Variants in LRP3 observed in about 807,000 individuals in gnomAD.
LRP3 encodes LDL receptor related protein 3, also known as low-density lipoprotein receptor-related protein 3.
A neutral mutation model predicts 58.5 loss-of-function variants in LRP3; 49 were observed. The observed-to-expected ratio is 0.84, with a 90% CI of 0.67 to 1.06. The LOEUF is 1.06. Among genes scored for constraint, LRP3 ranks in the 50% least tolerant of loss-of-function variants. The probability of loss-of-function intolerance (pLI) is 0.00; values close to 1 mark genes in which losing one functional copy is unlikely to be tolerated. For synonymous variants in LRP3, 485 were observed against 492.2 expected, an observed-to-expected ratio of 0.99 and a Z score of 0.20; for missense variants, 1,019 against 1,134.2, an observed-to-expected ratio of 0.90 and a Z score of 1.46.
chr19:33,201,578 C>G (rs1280123847), intron 2 of LRP3, among the ~76,000 whole-genome samples: 4 of 152,164 alleles, frequency 2.6e-5, no homozygotes, highest in Non-Finnish European at 4.4e-5. Flanking sequence ...CCAGAGAGAA[C>G]TTGGCTTGCA....
At chr19:33,196,222 C>G (rs1400180874) in intron 1 of LRP3, among the ~76,000 whole-genome samples, 2 of 152,034 alleles carry the variant, frequency 1.3e-5, no homozygotes, top group Non-Finnish European at 2.9e-5. Context: ...TGCTGCTGGG[C>G]GAGCAAAGCC....
intron 1 of LRP3, among the ~76,000 whole-genome samples, chr19:33,196,131 C>T (rs1443866200): frequency 6.6e-6 from 1 of 152,228 alleles, no homozygotes; most frequent in Non-Finnish European, 1.5e-5. Context: ...CAGCTTGGCA[C>T]GGGGGAAGAG....
At chr19:33,201,078 C>G (rs1321589081) in intron 2 of LRP3, among the ~76,000 whole-genome samples, 1 of 152,226 alleles carries the variant, frequency 6.6e-6, no homozygotes, top group Non-Finnish European at 1.5e-5. Context: ...GACCCGTCCA[C>G]TCAGGGACCC....
chr19:33,205,198 A>AGGCT, intron 4 of LRP3, 48 bp from the exon 5 acceptor site: 1 of 1,574,012 alleles, frequency 6.4e-7, no homozygotes, highest in Non-Finnish European at 8.6e-7. Context: ...GGCCGAAGGG[A>AGGCT]GGCTCTTCTG....
At chr19:33,201,653 G>GTGA (rs1268154277) in intron 2 of LRP3, among the ~76,000 whole-genome samples, 2 of 152,166 alleles carry the variant, frequency 1.3e-5, no homozygotes, top group Non-Finnish European at 1.5e-5. Context: ...CTCGGGAAAG[G>GTGA]GGTCGTCCCT....
intron 1 of LRP3, among the ~76,000 whole-genome samples, chr19:33,196,067 A>G (rs1322397063): frequency 1.3e-5 from 2 of 152,078 alleles, no homozygotes; most frequent in African/African-American, 4.8e-5. Flanking sequence ...GCCAAACCCC[A>G]CGGAGGTGGG....
intron 6 of LRP3, 127 bp downstream of exon 6, chr19:33,206,860 GT>G: frequency 8.1e-7 from 1 of 1,236,022 alleles, no homozygotes; most frequent in Non-Finnish European, 1.1e-6. Flanking sequence ...CCATGGCCAG[GT>G]GGGGGGGGTG....
chr19:33,195,126 C>G (rs1048276011), intron 1 of LRP3, among the ~76,000 whole-genome samples: 1 of 152,060 alleles, frequency 6.6e-6, no homozygotes, highest in Non-Finnish European at 1.5e-5. Context: ...TTCGTGCAGG[C>G]GGCAGCCTTC....
At chr19:33,198,031 C>T (rs1466559443) in intron 2 of LRP3, among the ~76,000 whole-genome samples, 1 of 152,146 alleles carries the variant, frequency 6.6e-6, no homozygotes, top group African/African-American at 2.4e-5. Flanking sequence ...AGTCTCCCAT[C>T]CCAATTTCCA....
At chr19:33,203,328 G>A (rs1191817504) in intron 3 of LRP3, among the ~76,000 whole-genome samples, 1 of 151,422 alleles carries the variant, frequency 6.6e-6, no homozygotes, top group East Asian at 1.9e-4. Context: ...GTGCATATGT[G>A]TGTGTGTGCA....
intron 1 of LRP3, among the ~76,000 whole-genome samples, chr19:33,195,374 C>A (rs1424006815): frequency 1.3e-5 from 2 of 152,114 alleles, no homozygotes; most frequent in Non-Finnish European, 2.9e-5. Flanking sequence ...CCCAGGCAGG[C>A]CTGTTCAGTT....
chr19:33,206,088 C>G lies in LRP3; in HGVS notation c.1318C>G (p.Gln440Glu). The G allele has an allele frequency of 1.2e-6, 2 of 1,609,588 alleles. No homozygotes were observed. The highest frequency in any genetic ancestry group is 1.7e-6 in the Non-Finnish European group (2 of 1,178,838). The change falls in exon 5 of 7, where the codon CAG becomes GAG. Residue 440 changes from glutamine (Q) to glutamate (E), a missense_variant. Physicochemically the swap from Gln to Glu is conservative, Grantham distance 29. Coordinates refer to ENST00000253193, the MANE Select transcript of LRP3 (RefSeq NM_002333.4). ...CYTPADRCNN[Q>E]KSCPDGADEK... Reference sequence around the variant, plus strand: ...CACGCCTGCCGACCGCTGCAACAACCAGAAAAGCTGTCCCGACGGCGCCGA... The same window carrying G: ...CACGCCTGCCGACCGCTGCAACAACGAGAAAAGCTGTCCCGACGGCGCCGA...
chr19:33,203,046 GAGAA>G, intron 3 of LRP3, 60 bp downstream of exon 3: 1 of 1,578,442 alleles, frequency 6.3e-7, no homozygotes, highest in Non-Finnish European at 8.6e-7. Flanking sequence ...TGGGGTGGGT[GAGAA>G]TGTGTGTGTG....
At chr19:33,198,892 A>C (rs568167817) in intron 2 of LRP3, among the ~76,000 whole-genome samples, 39 of 152,328 alleles carry the variant, frequency 2.6e-4, no homozygotes, top group African/African-American at 9.4e-4. Context: ...GTATTGATCA[A>C]CTTTGGAAAT....
intron 6 of LRP3, 43 bp from the exon 7 acceptor site, chr19:33,206,945 C>T: frequency 7.3e-7 from 1 of 1,379,242 alleles, no homozygotes. Context: ...CTGTCTGCCC[C>T]CTCAGCCGCA....
Position 33,207,444 on chromosome 19 carries a change from C to T in LRP3, c.2182C>T (p.Pro728Ser), listed in dbSNP as rs1170473711. The T allele has an allele frequency of 6.3e-7, 1 of 1,597,660 alleles. No homozygotes were observed. Among genetic ancestry groups the T allele is most frequent in the African/African-American group, 1.3e-5 (1 of 74,816 alleles). Reference protein sequence around the residue: ...REPCSAQDPHPQVSTASSTLG... With the variant: ...REPCSAQDPHSQVSTASSTLG... ...GCCCTGCTCAGCCCAGGACCCGCACCCCCAGGTCTCCACTGCCAGCAGCAC... is the reference window on the plus strand; with the variant it reads ...GCCCTGCTCAGCCCAGGACCCGCACTCCCAGGTCTCCACTGCCAGCAGCAC... The change falls in exon 7 of 7, where the codon CCC becomes TCC. Residue 728 changes from proline to serine, a missense_variant. Physicochemically the swap from Pro to Ser is moderately conservative, Grantham distance 74. Coordinates refer to ENST00000253193, the MANE Select transcript of LRP3 (RefSeq NM_002333.4).
At chr19:33,198,213 TG>T (rs1974305402) in intron 2 of LRP3, among the ~76,000 whole-genome samples, 1 of 152,162 alleles carries the variant, frequency 6.6e-6, no homozygotes. Context: ...AGTGCTTCCC[TG>T]GGGACTAGGG....
rs560751217 is a variant in LRP3 at position 33,195,793 on chromosome 19, G to A, written c.73+935G>A. On this transcript the variant is annotated intron_variant, in intron 1 of 6. Coordinates refer to ENST00000253193, the MANE Select transcript of LRP3 (RefSeq NM_002333.4). The stretch of plus-strand genomic sequence containing the variant: ...CCCCAGCGCGCCCACCCCAACCTCA[G>A]TGCGGGGTCATGTGTGCTGGGCTCT... Among the ~76,000 whole-genome samples the A allele has an allele frequency of 1.1e-3, 160 of 152,314 alleles. 1 individual carries two copies. The highest frequency in any genetic ancestry group is 2.9e-4 in the Non-Finnish European group (20 of 68,024).
At chr19:33,206,877 G>A (rs1974420674) in intron 6 of LRP3, 111 bp from the exon 7 acceptor site, 3 of 1,213,084 alleles carry the variant, frequency 2.5e-6, no homozygotes, top group African/African-American at 3.1e-5. Context: ...GGGTGGACAA[G>A]GTGGTCTCTC....
Sources: allele counts gnomAD v4.1 joint callset (sites outside exome capture counted in the v4.1 genomes callset), GRCh38; gene constraint gnomAD v4.1.1; transcripts MANE v1.5; gene names NCBI Gene and HGNC (gene_info 2026-07-23, HGNC 2026-07-21).